GREB1: variants seen among roughly 807,000 people sequenced by gnomAD.
GREB1 encodes the protein growth regulating estrogen receptor binding 1, also known as protein GREB1.
GREB1 carries 106 observed loss-of-function variants against 200.7 expected under a neutral mutation model. The observed-to-expected ratio is 0.53, with a 90% CI of 0.45 to 0.62. GREB1 has a LOEUF of 0.62. Among genes scored for constraint, GREB1 ranks in the 20% least tolerant of loss-of-function variants. GREB1 has a pLI of 0.00. For synonymous variants in GREB1, 1,132 were observed against 1,092.4 expected, an observed-to-expected ratio of 1.04 and a Z score of -0.72; for missense variants, 2,243 against 2,556.8, an observed-to-expected ratio of 0.88 and a Z score of 2.65.
chr2:11,547,914 G>T (rs1675439185), intron 1 of GREB1, among the ~76,000 whole-genome samples: 1 of 152,074 alleles, frequency 6.6e-6, no homozygotes, highest in African/African-American at 2.4e-5. Context: ...GGGTGCAGTG[G>T]CTCACTCCTG....
chr2:11,621,335 A>G (rs1456794441), intron 23 of GREB1, among the ~76,000 whole-genome samples: 1 of 152,196 alleles, frequency 6.6e-6, no homozygotes, highest in Non-Finnish European at 1.5e-5. Flanking sequence ...GATAAATCAC[A>G]TGCTTGGGAG....
intron 1 of GREB1, among the ~76,000 whole-genome samples, chr2:11,507,414 A>AC (rs1244989674): frequency 1.3e-5 from 2 of 151,682 alleles, no homozygotes; most frequent in East Asian, 1.9e-4. Flanking sequence ...AAAAAAAAAA[A>AC]AAAACCATAA....
Position 11,638,786 on chromosome 2 carries a change from T to C in GREB1, c.5663T>C (p.Leu1888Ser), listed in dbSNP as rs1380821859. Residue 1888 changes from leucine to serine, a missense_variant, in exon 32 of 33, where the codon TTG becomes TCG. Coordinates refer to ENST00000381486, the MANE Select transcript of GREB1 (RefSeq NM_014668.4). ...LCDSFVGASF[L>S]KKFHFLKGAT... ...GACTCTTTTGTGGGAGCTAGCTTTT[T>C]GAAAAAGTTTCATTTTCTGAAAGGT... 6.2e-7 allele frequency: 1 copy of C among 1,614,088 alleles called. No individual in the cohort carries two copies. Among genetic ancestry groups the C allele is most frequent in the Non-Finnish European group, 8.5e-7 (1 of 1,180,004 alleles).
At chr2:11,591,148 C>T (rs912423094) in intron 10 of GREB1, among the ~76,000 whole-genome samples, 1 of 152,194 alleles carries the variant, frequency 6.6e-6, no homozygotes, top group Non-Finnish European at 1.5e-5. Context: ...GAGATAACGG[C>T]TAATCTAATT....
chr2:11,629,863 G>T lies in GREB1; in HGVS notation c.4450-85G>T. On this transcript the variant is annotated intron_variant, in intron 25 of 32. Transcript: ENST00000381486. The surrounding 1 kb of genome is among the most constrained non-coding windows in gnomAD (Gnocchi z 5.2). The stretch of plus-strand genomic sequence containing the variant: ...GGGAAGTGGTGACTGTGAGCTGCAC[G>T]TTGTCACAGCAGAGTGGGCCTGGGG... 5 of 1,351,072 alleles carry T rather than the reference G, an allele frequency of 3.7e-6. No individual in the cohort carries two copies. Among genetic ancestry groups the T allele is most frequent in the Non-Finnish European group, 5.2e-6 (5 of 960,702 alleles). 83.7% of individuals were successfully genotyped at this position (1,351,072 alleles called of 1,614,324 possible).
At chr2:11,536,045 A>G (rs1674278688) in intron 1 of GREB1, among the ~76,000 whole-genome samples, 1 of 152,166 alleles carries the variant, frequency 6.6e-6, no homozygotes, top group Admixed American at 6.5e-5. Context: ...TGGGGATCCC[A>G]GGCAGCAGGG....
chr2:11,492,084 A>G lies in GREB1; in HGVS notation c.-159+9703A>G, dbSNP rs1260068633. Among the ~76,000 whole-genome samples the G allele has an allele frequency of 1.3e-5, 2 of 152,044 alleles. No individual in the cohort carries two copies. Among genetic ancestry groups the G allele is most frequent in the Non-Finnish European group, 2.9e-5 (2 of 67,994 alleles). ...CACGGTCCTCTTCCCTGGATTCCCC[A>G]TGGCTCTTCCAGCCGTCTGGTTGAC... On this transcript the variant is annotated intron_variant, in intron 1 of 2. Coordinates refer to the GREB1 transcript ENST00000628795. This position sits in a 1 kb window ranked among gnomAD's most constrained non-coding sequence, Gnocchi z 4.0.
intron 1 of GREB1, among the ~76,000 whole-genome samples, chr2:11,495,872 C>T (rs916347575): frequency 4.7e-5 from 7 of 150,110 alleles, no homozygotes; most frequent in East Asian, 1.9e-4. Flanking sequence ...AAGGGCCCAG[C>T]GTCACTGAGC....
At chr2:11,511,167 T>C (rs1206975560) in intron 1 of GREB1, among the ~76,000 whole-genome samples, 1 of 152,112 alleles carries the variant, frequency 6.6e-6, no homozygotes, top group African/African-American at 2.4e-5. Flanking sequence ...AGAACGAAGC[T>C]TTTTCCTGGT....
intron 19 of GREB1, 74 bp from the exon 20 acceptor site, chr2:11,615,017 C>T (rs1683285560): frequency 8.6e-7 from 1 of 1,157,288 alleles, no homozygotes; most frequent in Non-Finnish European, 1.3e-6. Context: ...CCGATCAGTG[C>T]TGCCTGCCGC....
intron 22 of GREB1, among the ~76,000 whole-genome samples, chr2:11,620,607 C>T (rs1207229026): frequency 6.6e-6 from 1 of 152,004 alleles, no homozygotes; most frequent in East Asian, 1.9e-4. Flanking sequence ...TTTTTTGAAG[C>T]AGCTTGCTTT....
Position 11,633,445 on chromosome 2 carries a change from TC to T in GREB1, c.4991+385del, listed in dbSNP as rs1365009283. On this transcript the variant is annotated intron_variant, in intron 28 of 32. Transcript: ENST00000381486. The surrounding 1 kb of genome is among the most constrained non-coding windows in gnomAD (Gnocchi z 4.1). The stretch of plus-strand genomic sequence containing the variant: ...TGGGCGTGGTGGCGGGCGCCTGTAG[TC>T]CCAGCTACTTGGGAGGCTGAGGCAG... Among the ~76,000 whole-genome samples, 2 of 151,674 alleles carry T rather than the reference TC, an allele frequency of 1.3e-5. No homozygotes were observed. The highest frequency in any genetic ancestry group is 2.9e-5 in the Non-Finnish European group (2 of 67,958).
intron 1 of GREB1, among the ~76,000 whole-genome samples, chr2:11,541,809 A>G (rs1674780589): frequency 6.6e-6 from 1 of 152,170 alleles, no homozygotes; most frequent in Non-Finnish European, 1.5e-5. Flanking sequence ...CTGTCCCTGC[A>G]TACACCTCAT....
Position 11,580,032 on chromosome 2 carries a change from C to T in GREB1, c.773-672C>T, listed in dbSNP as rs1413342347. 6.6e-6 allele frequency among the ~76,000 whole-genome samples: 1 copy of T among 152,172 alleles called. No individual in the cohort carries two copies. Among genetic ancestry groups the T allele is most frequent in the Non-Finnish European group, 1.5e-5 (1 of 68,038 alleles). The stretch of plus-strand genomic sequence containing the variant: ...ATCATGGCAAAAGGCAAAGGAGAAG[C>T]AAAGGCACGTCTTACATGATGGCAG... On this transcript the variant is annotated intron_variant, in intron 6 of 32. Transcript: ENST00000381486. The surrounding 1 kb of genome is among the most constrained non-coding windows in gnomAD (Gnocchi z 4.5).
chr2:11,537,560 T>C (rs1003478987), intron 1 of GREB1, among the ~76,000 whole-genome samples: 19 of 151,016 alleles, frequency 1.3e-4, no homozygotes, highest in Non-Finnish European at 2.7e-4. Flanking sequence ...GAGCCCATCA[T>C]CTTAAAAACT....
At chr2:11,612,676 C>T in intron 19 of GREB1, 66 bp downstream of exon 19, 1 of 1,002,100 alleles carries the variant, frequency 1.0e-6, no homozygotes, top group East Asian at 2.4e-5. Context: ...CCTCAAGGAG[C>T]ATGTCAGGGG....
chr2:11,612,467 G>A (rs371913712), intron 18 of GREB1, 28 bp from the exon 19 acceptor site: 17 of 1,564,452 alleles, frequency 1.1e-5, no homozygotes, highest in Non-Finnish European at 1.4e-5. Flanking sequence ...AGGCGTCTGT[G>A]GCTTTATTTC....
intron 1 of GREB1, among the ~76,000 whole-genome samples, chr2:11,520,045 G>A (rs1342925796): frequency 6.6e-6 from 1 of 152,152 alleles, no homozygotes; most frequent in African/African-American, 2.4e-5. Flanking sequence ...GGCTGAGATG[G>A]GAGGATCACT....
Position 11,633,186 on chromosome 2 carries a change from G to C in GREB1, c.4991+123G>C, listed in dbSNP as rs1292956375. On this transcript the variant is annotated intron_variant, in intron 28 of 32. Transcript: ENST00000381486. The surrounding 1 kb of genome is among the most constrained non-coding windows in gnomAD (Gnocchi z 4.1). ...CGGAGGGCCTCTCATAGTAGAAGGG[G>C]TGGTTGTGGTTGTGGTTCCCAGAGT... is the stretch of plus-strand genomic sequence containing the variant. The C allele has an allele frequency of 1.2e-6, 1 of 844,060 alleles. No individual in the cohort carries two copies. The highest frequency in any genetic ancestry group is 1.6e-5 in the South Asian group (1 of 63,186). 52.3% of individuals were successfully genotyped at this position (844,060 alleles called of 1,614,324 possible).
Sources: gnomAD v4.1 joint callset for allele counts (sites outside exome capture counted in the v4.1 genomes callset) on GRCh38, gnomAD v4.1.1 for gene constraint, Gnocchi (gnomAD v3.1) non-coding constraint, MANE v1.5 for transcripts, NCBI Gene and HGNC (gene_info 2026-07-23, HGNC 2026-07-21) for gene names.